Variants in TRMT9B observed in about 807,000 individuals in gnomAD.
The protein encoded by TRMT9B is tRNA methyltransferase 9B (putative).
Under a neutral mutation model 11.5 loss-of-function variants are expected in TRMT9B, and 16 were observed. The ratio of observed to expected loss-of-function variants is 1.39; its 90% confidence interval spans 0.94 to 2.11. The LOEUF is 2.11. TRMT9B is among the 30% of genes most tolerant of loss of function. The pLI, the probability that TRMT9B is intolerant of heterozygous loss-of-function variation, is 0.00. For missense variants in TRMT9B, 941 were observed against 553.8 expected (o/e 1.70, Z -7.02); for synonymous variants, 274 against 192.4 (o/e 1.42, Z -3.51).
At chr8:12,997,837 A>G (rs868453577) in intron 2 of TRMT9B, among the ~76,000 whole-genome samples, 6 of 152,156 alleles carry the variant, frequency 3.9e-5, no homozygotes, top group Admixed American at 6.5e-5. Context: ...GGTTTTCCAA[A>G]CAGATTGAAA....
At chr8:12,975,043 A>G (rs182646263) in intron 1 of TRMT9B, among the ~76,000 whole-genome samples, 170 of 150,858 alleles carry the variant, frequency 1.1e-3, no homozygotes, top group Middle Eastern at 6.8e-3. Context: ...TTTAGTTGAG[A>G]TATTGAAGTG....
At chr8:12,948,659 A>G (rs1218569540) in intron 1 of TRMT9B, among the ~76,000 whole-genome samples, 3 of 151,898 alleles carry the variant, frequency 2.0e-5, no homozygotes, top group Non-Finnish European at 4.4e-5. Flanking sequence ...AGTTAAGTGT[A>G]ACATTAGAAA....
At chr8:12,998,574 C>A (rs1323069375) in intron 2 of TRMT9B, among the ~76,000 whole-genome samples, 1 of 152,168 alleles carries the variant, frequency 6.6e-6, no homozygotes, top group Non-Finnish European at 1.5e-5. Flanking sequence ...TTACCCTGGC[C>A]TCTGTGCTAA....
At position 13,024,643 on chromosome 8, in the gene TRMT9B, C is replaced by T. The variant is rs1324324100; in HGVS notation, c.*2599C>T. On this transcript the variant is annotated 3_prime_UTR_variant, in exon 5 of 5. Transcript: ENST00000524591. Reference sequence around the variant, plus strand: ...TAGCCTTTGAGCTAAACTGTCTGAGCAACCTCTTAGATGTGCACACACCAC... The same window carrying T: ...TAGCCTTTGAGCTAAACTGTCTGAGTAACCTCTTAGATGTGCACACACCAC... 1 of 167,058 alleles carries T rather than the reference C, an allele frequency of 6.0e-6. No homozygotes were observed. The highest frequency in any genetic ancestry group is 2.4e-5 in the African/African-American group (1 of 41,460). The allele number at this position is 167,058 out of a possible 1,614,324, so 10.3% of individuals were successfully genotyped here. A position where few individuals can be genotyped will look rare whatever the true frequency, so the allele number is the denominator to read the frequency against.
rs1702615681 is a variant in TRMT9B, at chr8:13,028,834, C to A, written c.*6790C>A. The A allele has an allele frequency of 6.0e-6, 1 of 166,814 alleles. No homozygotes were observed. The highest frequency in any genetic ancestry group is 2.4e-5 in the African/African-American group (1 of 41,356). The allele number at this position is 166,814 out of a possible 1,614,324, so 10.3% of individuals were successfully genotyped here. A position where few individuals can be genotyped will look rare whatever the true frequency, so the allele number is the denominator to read the frequency against. On this transcript the variant is annotated 3_prime_UTR_variant, in exon 5 of 5. Coordinates refer to ENST00000524591, the MANE Select transcript of TRMT9B (RefSeq NM_020844.3). ...GACCTCTTACGAGCTAATCATACCACTTCTAACTAGATTTTCTATTAATGT... is the reference window on the plus strand; with the variant it reads ...GACCTCTTACGAGCTAATCATACCAATTCTAACTAGATTTTCTATTAATGT...
At chr8:13,006,896 T>G (rs1238257531) in intron 3 of TRMT9B, 1 of 163,164 alleles carries the variant, frequency 6.1e-6, no homozygotes, top group Non-Finnish European at 1.3e-5. Context: ...CTCAAACTCC[T>G]GACCTCAGAT....
chr8:12,989,505 T>C (rs896492986), intron 1 of TRMT9B, among the ~76,000 whole-genome samples: 4 of 152,306 alleles, frequency 2.6e-5, no homozygotes, highest in African/African-American at 7.2e-5. Flanking sequence ...ATATGCCTCC[T>C]ACTTCTACAC....
intron 1 of TRMT9B, among the ~76,000 whole-genome samples, chr8:12,988,960 C>T (rs1011029600): frequency 6.6e-6 from 1 of 152,110 alleles, no homozygotes; most frequent in South Asian, 2.1e-4. Context: ...ATATTAAATT[C>T]TGGGGTCCTG....
chr8:12,981,470 T>C (rs1316977349), intron 1 of TRMT9B, among the ~76,000 whole-genome samples: 1 of 152,200 alleles, frequency 6.6e-6, no homozygotes, highest in Non-Finnish European at 1.5e-5. Flanking sequence ...AGAGGGTGAC[T>C]TTTAGGACTT....
Position 13,024,875 on chromosome 8 carries a change from G to C in TRMT9B, c.*2831G>C, listed in dbSNP as rs891454307. The C allele has an allele frequency of 6.0e-6, 1 of 166,856 alleles. No homozygotes were observed. Among genetic ancestry groups the C allele is most frequent in the Non-Finnish European group, 1.5e-5 (1 of 68,102 alleles). 10.3% of individuals were successfully genotyped at this position (166,856 alleles called of 1,614,324 possible). On this transcript the variant is annotated 3_prime_UTR_variant, in exon 5 of 5. Transcript: ENST00000524591. ...TCTCTTTGGGGTAGTCACATGGAAA[G>C]CTCTTTTAAATTTAACTTCCGCCTT...
chr8:12,964,460 G>A (rs1237941971), intron 1 of TRMT9B, among the ~76,000 whole-genome samples: 2 of 152,160 alleles, frequency 1.3e-5, no homozygotes, highest in East Asian at 1.9e-4. Flanking sequence ...CCAGAGTTCC[G>A]TATTCCTGTT....
intron 1 of TRMT9B, 61 bp from the exon 2 acceptor site, chr8:12,990,773 T>C (rs1328679329): frequency 6.2e-6 from 7 of 1,120,354 alleles, no homozygotes; most frequent in South Asian, 1.4e-5. Flanking sequence ...GCCTGGGCTG[T>C]AGCTGGCTCC....
Position 13,022,002 on chromosome 8 carries a change from T to A in TRMT9B, c.1323T>A (p.Gly441=). The A allele has an allele frequency of 6.2e-7, 1 of 1,611,176 alleles. No individual in the cohort carries two copies. The highest frequency in any genetic ancestry group is 8.5e-7 in the Non-Finnish European group (1 of 1,178,888). Residue 441 remains glycine, a synonymous_variant, in exon 5 of 5, where the codon GGT becomes GGA. Transcript: ENST00000524591. ...LRILSSGNDH[G]NWCIIAEKKR... is the part of the protein sequence containing the mutation. ...TCCTGAGTTCTGGGAATGATCATGG[T>A]AACTGGTGTATCATTGCAGAGAAAA...
chr8:12,988,049 C>T (rs1010439074), intron 1 of TRMT9B, among the ~76,000 whole-genome samples: 44 of 152,260 alleles, frequency 2.9e-4, no homozygotes, highest in Middle Eastern at 3.4e-3. Context: ...TATTTCTGTG[C>T]GTGTGTTGCT....
rs147847354 is a variant in TRMT9B, at chr8:13,010,865, A to G, written c.155-1819A>G. 799 of 978,122 alleles carry G rather than the reference A, an allele frequency of 8.2e-4. 9 individuals carry two copies. The African/African-American group carries it at 0.013, about 16-fold the overall frequency. 60.6% of individuals were successfully genotyped at this position (978,122 alleles called of 1,614,324 possible). On this transcript the variant is annotated intron_variant, in intron 3 of 4. Transcript: ENST00000524591. ...TATATTTTCCCCATGATTGCCTTCAAACAGAGGGTACTTTTTCTCATAATC... is the reference window on the plus strand; with the variant it reads ...TATATTTTCCCCATGATTGCCTTCAGACAGAGGGTACTTTTTCTCATAATC...
In TRMT9B at chr8:13,023,478, A is replaced by T. The variant is rs1814267022; in HGVS notation, c.*1434A>T. 6.0e-6 allele frequency: 1 copy of T among 167,084 alleles called. No homozygotes were observed. Among genetic ancestry groups the T allele is most frequent in the Non-Finnish European group, 1.5e-5 (1 of 68,124 alleles). The allele number at this position is 167,084 out of a possible 1,614,324, so 10.4% of individuals were successfully genotyped here. On this transcript the variant is annotated 3_prime_UTR_variant, in exon 5 of 5. Coordinates refer to ENST00000524591, the MANE Select transcript of TRMT9B (RefSeq NM_020844.3). The stretch of plus-strand genomic sequence containing the variant: ...TGAATTTCTGTCACTTTGTAGAGAA[A>T]CGAATAGACTGGACACTGTGTGGTC...
In TRMT9B at chr8:13,023,950, G is replaced by C. The variant is rs1220555749; in HGVS notation, c.*1906G>C. ...CTGGTGAAAATGATGCATATGAGTT[G>C]TACTGTTCAGTGTACATCCTGCAGT... On this transcript the variant is annotated 3_prime_UTR_variant, in exon 5 of 5. Transcript: ENST00000524591. 7 of 165,918 alleles carry C rather than the reference G, an allele frequency of 4.2e-5. No homozygotes were observed. 10.3% of individuals were successfully genotyped at this position (165,918 alleles called of 1,614,324 possible). A position where few individuals can be genotyped will look rare whatever the true frequency, so the allele number is the denominator to read the frequency against.
At chr8:12,988,318 C>T (rs1389995672) in intron 1 of TRMT9B, among the ~76,000 whole-genome samples, 1 of 152,122 alleles carries the variant, frequency 6.6e-6, no homozygotes, top group African/African-American at 2.4e-5. Flanking sequence ...GGGGTATTGA[C>T]ATTGTGATTT....
intron 1 of TRMT9B, among the ~76,000 whole-genome samples, chr8:12,947,124 T>G (rs1800306819): frequency 6.6e-6 from 1 of 152,212 alleles, no homozygotes; most frequent in Non-Finnish European, 1.5e-5. Context: ...TGATTCTCAG[T>G]CCATTCTGAC....
Sources: gnomAD v4.1 joint callset for allele counts (sites outside exome capture counted in the v4.1 genomes callset) on GRCh38, gnomAD v4.1.1 for gene constraint, MANE v1.5 for transcripts, NCBI Gene and HGNC (gene_info 2026-07-23, HGNC 2026-07-21) for gene names.